The following LRRC8C variants were observed in gnomAD, a reference collection of about 807,000 sequenced individuals.
LRRC8C encodes the protein leucine rich repeat containing 8 VRAC subunit C.
LRRC8C carries 20 observed loss-of-function variants against 55.3 expected under a neutral mutation model. That is an observed-to-expected ratio of 0.36 (90% CI 0.25 to 0.53). The LOEUF is 0.53. Ranked by LOEUF, LRRC8C falls within the 20% of genes least tolerant of loss-of-function variation. The probability of loss-of-function intolerance (pLI) is 0.92; values close to 1 mark genes in which losing one functional copy is unlikely to be tolerated. For synonymous variants in LRRC8C, 376 were observed against 360.7 expected, an observed-to-expected ratio of 1.04 and a Z score of -0.48; for missense variants, 659 against 951.4, an observed-to-expected ratio of 0.69 and a Z score of 4.04.
the LRRC8C span, among the ~76,000 whole-genome samples, chr1:89,627,560 G>C: frequency 1.1e-4 from 16 of 152,078 alleles, no homozygotes; most frequent in African/African-American, 3.9e-4. Context: ...ATGCAATTTT[G>C]AAATACTGAA....
At chr1:89,620,146 C>T in the LRRC8C span, among the ~76,000 whole-genome samples, 1 of 152,134 alleles carries the variant, frequency 6.6e-6, no homozygotes, top group Non-Finnish European at 1.5e-5. Flanking sequence ...TGTCTCTTTG[C>T]TGCATCTTCA....
At chr1:89,647,063 A>G (rs994809403) in intron 1 of LRRC8C, among the ~76,000 whole-genome samples, 1 of 152,196 alleles carries the variant, frequency 6.6e-6, no homozygotes, top group East Asian at 1.9e-4. Context: ...CTGTTAATTT[A>G]TCTTTACCTG....
At chr1:89,663,346 G>A (rs1422435978) in intron 1 of LRRC8C, among the ~76,000 whole-genome samples, 7 of 151,976 alleles carry the variant, frequency 4.6e-5, no homozygotes, top group South Asian at 2.1e-4. Context: ...AGAGGCGGGC[G>A]GATCATGAGG....
chr1:89,658,122 A>T (rs1180487085), intron 1 of LRRC8C, among the ~76,000 whole-genome samples: 1 of 152,136 alleles, frequency 6.6e-6, no homozygotes, highest in East Asian at 1.9e-4. Context: ...GTTTCCCTTG[A>T]TGTTCTTTGG....
At chr1:89,701,727 G>A (rs994319754) in intron 2 of LRRC8C, among the ~76,000 whole-genome samples, 13 of 152,050 alleles carry the variant, frequency 8.5e-5, no homozygotes, top group African/African-American at 3.1e-4. Flanking sequence ...GGTAAAACAG[G>A]TGTTACAATT....
chr1:89,621,466 C>CA, the LRRC8C span, among the ~76,000 whole-genome samples: 7 of 151,504 alleles, frequency 4.6e-5, no homozygotes, highest in South Asian at 2.1e-4. Flanking sequence ...GACACCATCT[C>CA]AAAAAAAAAT....
chr1:89,697,223 G>A (rs1270776401), intron 2 of LRRC8C, among the ~76,000 whole-genome samples: 1 of 152,146 alleles, frequency 6.6e-6, no homozygotes, highest in South Asian at 2.1e-4. Flanking sequence ...AAAATAAATA[G>A]CAAATTATTT....
At chr1:89,619,872 T>C in the LRRC8C span, among the ~76,000 whole-genome samples, 1 of 152,200 alleles carries the variant, frequency 6.6e-6, no homozygotes, top group African/African-American at 2.4e-5. Context: ...ACACTATAAT[T>C]ACCCCCATTT....
chr1:89,651,150 A>G (rs1656763406), intron 1 of LRRC8C, among the ~76,000 whole-genome samples: 2 of 152,238 alleles, frequency 1.3e-5, no homozygotes, highest in Non-Finnish European at 2.9e-5. Flanking sequence ...TCTGAGAACC[A>G]TTGCAACAGG....
chr1:89,710,949 A>G (rs2101354235), intron 2 of LRRC8C, among the ~76,000 whole-genome samples: 1 of 152,342 alleles, frequency 6.6e-6, no homozygotes, highest in South Asian at 2.1e-4. Flanking sequence ...CAGTCTCCTC[A>G]TCTATAAAAT....
intron 1 of LRRC8C, among the ~76,000 whole-genome samples, chr1:89,673,075 G>A (rs1657464554): frequency 6.6e-6 from 1 of 152,100 alleles, no homozygotes; most frequent in South Asian, 2.1e-4. Context: ...TCTTTGAAGT[G>A]TTGGACTTTT....
intron 2 of LRRC8C, among the ~76,000 whole-genome samples, chr1:89,696,539 T>A (rs1658176970): frequency 6.6e-6 from 1 of 152,154 alleles, no homozygotes; most frequent in Admixed American, 6.6e-5. Context: ...GATTTATTAT[T>A]GATTCTTCCT....
At position 89,676,834 on chromosome 1, in the gene LRRC8C, G is replaced by T. The variant is rs7538386; in HGVS notation, c.-4-9636G>T. On this transcript the variant is annotated intron_variant, in intron 1 of 2. Transcript: ENST00000370454. ...GAATTTCTTCAATGAATATTCTCCC[G>T]TGAGTGTATATGTGGGTGAGGGATT... Among the ~76,000 whole-genome samples the T allele has an allele frequency of 4.6e-5, 7 of 152,234 alleles. No homozygotes were observed. The East Asian group carries it at 1.3e-3, about 29-fold the overall frequency.
chr1:89,714,062 G>T lies in LRRC8C; in HGVS notation c.1492G>T (p.Val498Phe), dbSNP rs200185887. ...FLKENLKVLS[V>F]KFDDMRELPP... ...GAAGGAAAACCTCAAGGTCTTGAGC[G>T]TCAAGTTTGATGACATGAGGGAACT... The change falls in exon 3 of 3, where the codon GTC (valine) becomes TTC (phenylalanine). Residue 498 changes from valine (V) to phenylalanine (F), a missense_variant. Around this residue, in one of 5 missense-constraint regions of LRRC8C, gnomAD observed 344 missense variants for 464.6 expected, o/e 0.74. Transcript: ENST00000370454. The surrounding 1 kb of genome is among the most constrained non-coding windows in gnomAD (Gnocchi z 4.6). 6.2e-7 allele frequency: 1 copy of T among 1,613,934 alleles called. No individual in the cohort carries two copies. Among genetic ancestry groups the T allele is most frequent in the South Asian group, 1.1e-5 (1 of 91,078 alleles).
chr1:89,669,474 T>G (rs1342064787), intron 1 of LRRC8C, among the ~76,000 whole-genome samples: 1 of 152,132 alleles, frequency 6.6e-6, no homozygotes, highest in Non-Finnish European at 1.5e-5. Flanking sequence ...CATAAAGTCA[T>G]TATCATAGCT....
chr1:89,639,129 G>C (rs1656385054), intron 1 of LRRC8C, among the ~76,000 whole-genome samples: 1 of 151,898 alleles, frequency 6.6e-6, no homozygotes, highest in African/African-American at 2.4e-5. Flanking sequence ...GGGACTACAG[G>C]CACAAGCCAC....
intron 2 of LRRC8C, among the ~76,000 whole-genome samples, chr1:89,694,074 T>G (rs1255492692): frequency 2.0e-5 from 3 of 152,098 alleles, no homozygotes; most frequent in Admixed American, 2.0e-4. Context: ...ACCTTTGTCA[T>G]CTCTGTGGGG....
At chr1:89,658,524 C>T (rs1657012430) in intron 1 of LRRC8C, among the ~76,000 whole-genome samples, 1 of 152,090 alleles carries the variant, frequency 6.6e-6, no homozygotes, top group African/African-American at 2.4e-5. Flanking sequence ...GGTAGAATCA[C>T]TACATTTTAA....
chr1:89,710,648 A>C (rs1658625527), intron 2 of LRRC8C, among the ~76,000 whole-genome samples: 1 of 152,174 alleles, frequency 6.6e-6, no homozygotes, highest in South Asian at 2.1e-4. Context: ...TTAAATAGTA[A>C]ATAGTTGCCC....
Sources: allele counts gnomAD v4.1 joint callset (sites outside exome capture counted in the v4.1 genomes callset), GRCh38; gene constraint gnomAD v4.1.1; regional missense constraint gnomAD v4.1.1; non-coding constraint Gnocchi (gnomAD v3.1); transcripts MANE v1.5; gene names NCBI Gene and HGNC (gene_info 2026-07-23, HGNC 2026-07-21).